SLC25A48: variants seen among roughly 807,000 people sequenced by gnomAD.
SLC25A48 encodes the protein CTC-321K16.1.
In SLC25A48, 29 loss-of-function variants were observed where a neutral mutation model predicts 32.2. That is an observed-to-expected ratio of 0.90 (90% CI 0.67 to 1.23). The LOEUF is 1.23. Ranked by LOEUF, SLC25A48 falls within the 50% of genes most tolerant of loss-of-function variation. SLC25A48 has a pLI of 0.00. For synonymous variants in SLC25A48, 164 were observed against 172.3 expected, an observed-to-expected ratio of 0.95 and a Z score of 0.38; for missense variants, 399 against 422.7, an observed-to-expected ratio of 0.94 and a Z score of 0.49.
rs1420912781 is a variant in SLC25A48, at chr5:135,779,680, C to G, written c.-520-32843C>G. Among the ~76,000 whole-genome samples, 2 of 117,178 alleles carry G rather than the reference C, an allele frequency of 1.7e-5. 1 individual carries two copies. The highest frequency in any genetic ancestry group is 4.2e-5 in the Non-Finnish European group (2 of 47,470). 76.9% of individuals were successfully genotyped at this position (117,178 alleles called of 152,430 possible). Reference sequence around the variant, plus strand: ...AATATCGAAGGGGATGTACAACCACCCGGTAATATTGTTTTTAATATTCAG... The same window carrying G: ...AATATCGAAGGGGATGTACAACCACGCGGTAATATTGTTTTTAATATTCAG... On this transcript the variant is annotated intron_variant, in intron 3 of 10. Transcript: ENST00000646290.
At position 135,817,049 on chromosome 5, in the gene SLC25A48, G is replaced by C. The variant is rs142301930; in HGVS notation, c.-117+4123G>C. Among the ~76,000 whole-genome samples the C allele has an allele frequency of 4.0e-4, 61 of 152,324 alleles. No homozygotes were observed. The East Asian group carries it at 0.011, about 27-fold the overall frequency. On this transcript the variant is annotated intron_variant, in intron 4 of 10. Transcript: ENST00000646290. ...AAAATATAAAAATGTATTTTAGAAA[G>C]AGCAAAGTTGGCAGACTATCCTAGC... is the stretch of plus-strand genomic sequence containing the variant.
intron 3 of SLC25A48, among the ~76,000 whole-genome samples, chr5:135,743,403 A>G (rs1476979447): frequency 6.6e-6 from 1 of 151,938 alleles, no homozygotes; most frequent in Non-Finnish European, 1.5e-5. Flanking sequence ...CAGGAGAGGT[A>G]CTGCTGGCAT....
intron 3 of SLC25A48, among the ~76,000 whole-genome samples, chr5:135,754,108 G>T (rs1345093384): frequency 6.6e-6 from 1 of 151,112 alleles, no homozygotes; most frequent in South Asian, 2.1e-4. Context: ...ATGTCTCAAG[G>T]ATATTATGCA....
intron 3 of SLC25A48, among the ~76,000 whole-genome samples, chr5:135,764,698 A>G (rs1234274293): frequency 7.5e-6 from 1 of 133,302 alleles, no homozygotes; most frequent in Non-Finnish European, 1.6e-5. Flanking sequence ...GATACAATTC[A>G]TAATATCTGG....
At chr5:135,584,648 G>A (rs1377931690) in intron 1 of SLC25A48, among the ~76,000 whole-genome samples, 3 of 152,190 alleles carry the variant, frequency 2.0e-5, no homozygotes, top group Non-Finnish European at 4.4e-5. Context: ...TCAGAAATCT[G>A]TTTAAAATTC....
intron 3 of SLC25A48, among the ~76,000 whole-genome samples, chr5:135,689,279 A>G (rs1754089704): frequency 6.6e-6 from 1 of 152,190 alleles, no homozygotes; most frequent in Non-Finnish European, 1.5e-5. Context: ...CTACAGGCAC[A>G]GGCACTCTCT....
chr5:135,720,013 T>C (rs777640330), intron 3 of SLC25A48, among the ~76,000 whole-genome samples: 1 of 152,198 alleles, frequency 6.6e-6, no homozygotes. Context: ...AGATCAGTAG[T>C]CTCCCCAAAA....
chr5:135,880,736 ACTGTT>A (rs149518732), intron 7 of SLC25A48, among the ~76,000 whole-genome samples: 8,638 of 151,606 alleles, frequency 0.057, 338 homozygotes, highest in Middle Eastern at 0.1. Flanking sequence ...ACTCCTCACC[ACTGTT>A]CTGAATGTCC....
chr5:135,616,289 G>A (rs535410681), intron 1 of SLC25A48, among the ~76,000 whole-genome samples: 10 of 152,230 alleles, frequency 6.6e-5, no homozygotes, highest in East Asian at 5.8e-4. Context: ...AGCTTGTACC[G>A]TGCACCTGGA....
At chr5:135,869,053 C>T (rs1416489486) in intron 4 of SLC25A48, among the ~76,000 whole-genome samples, 1 of 152,076 alleles carries the variant, frequency 6.6e-6, no homozygotes, top group African/African-American at 2.4e-5. Flanking sequence ...AAACAATAAG[C>T]AAATGAGCTT....
In SLC25A48 at chr5:135,704,146, G is replaced by A. The variant is rs115273463; in HGVS notation, c.-521+69190G>A. Among the ~76,000 whole-genome samples, 962 of 152,354 alleles carry A rather than the reference G, an allele frequency of 6.3e-3. 10 individuals carry two copies. Among genetic ancestry groups the A allele is most frequent in the Middle Eastern group, 0.014 (4 of 294 alleles). On this transcript the variant is annotated intron_variant, in intron 3 of 10. Coordinates refer to the SLC25A48 transcript ENST00000646290. ...TTCACACACTGTTCTGGGCGGCAGA[G>A]GCTCAGCGGGAGAGAGGAGCCTCTA...
intron 3 of SLC25A48, among the ~76,000 whole-genome samples, chr5:135,764,632 AG>A (rs1274547711): frequency 6.6e-6 from 1 of 151,310 alleles, no homozygotes; most frequent in South Asian, 2.1e-4. Context: ...CGTAATATCC[AG>A]GGGGGGAGAG....
At chr5:135,680,105 T>G (rs1753860704) in intron 3 of SLC25A48, among the ~76,000 whole-genome samples, 1 of 152,202 alleles carries the variant, frequency 6.6e-6, no homozygotes, top group African/African-American at 2.4e-5. Flanking sequence ...TTGCTTTAGG[T>G]GTCTGTAGTC....
At chr5:135,686,894 C>A (rs1754031623) in intron 3 of SLC25A48, among the ~76,000 whole-genome samples, 1 of 151,542 alleles carries the variant, frequency 6.6e-6, no homozygotes, top group Non-Finnish European at 1.5e-5. Flanking sequence ...GGAAGAGCTT[C>A]ATTTATTTCT....
intron 4 of SLC25A48, among the ~76,000 whole-genome samples, chr5:135,867,975 G>A (rs549315723): frequency 1.3e-4 from 20 of 152,254 alleles, no homozygotes; most frequent in African/African-American, 4.8e-4. Flanking sequence ...GGATAGTTAG[G>A]CTGTGGAATC....
intron 6 of SLC25A48, among the ~76,000 whole-genome samples, chr5:135,878,155 G>T (rs1762187882): frequency 3.3e-5 from 5 of 152,142 alleles, no homozygotes; most frequent in Admixed American, 3.3e-4. Flanking sequence ...GCCTTCTGTG[G>T]GCTCTGCAGC....
intron 3 of SLC25A48, among the ~76,000 whole-genome samples, chr5:135,730,942 ATCTTCCG>A (rs1431759101): frequency 6.6e-6 from 1 of 152,176 alleles, no homozygotes; most frequent in African/African-American, 2.4e-5. Context: ...ATAAACTGAG[ATCTTCCG>A]GCCCCAACCA....
intron 4 of SLC25A48, among the ~76,000 whole-genome samples, chr5:135,859,370 A>G (rs1760595862): frequency 6.6e-6 from 1 of 152,176 alleles, no homozygotes; most frequent in Non-Finnish European, 1.5e-5. Context: ...TATCATGAGA[A>G]CAGCATGGGA....
intron 3 of SLC25A48, among the ~76,000 whole-genome samples, chr5:135,684,186 A>T (rs2126952771): frequency 6.6e-6 from 1 of 152,030 alleles, no homozygotes; most frequent in South Asian, 2.1e-4. Flanking sequence ...ATCCCCAACA[A>T]CTCGGTTCTC....
Sources: allele counts gnomAD v4.1 joint callset (sites outside exome capture counted in the v4.1 genomes callset), GRCh38; gene constraint gnomAD v4.1.1; transcripts MANE v1.5; gene names NCBI Gene and HGNC (gene_info 2026-07-23, HGNC 2026-07-21).